The following AUTS2 variants were observed in gnomAD, a reference collection of about 807,000 sequenced individuals.
AUTS2 encodes autism susceptibility gene 2 protein.
Under a neutral mutation model 112.4 loss-of-function variants are expected in AUTS2, and 17 were observed. That is an observed-to-expected ratio of 0.15 (90% CI 0.10 to 0.23). AUTS2 has a LOEUF of 0.23. AUTS2 is among the 10% of genes least tolerant of loss of function. The pLI, the probability that AUTS2 is intolerant of heterozygous loss-of-function variation, is 1.00. For missense variants in AUTS2, 1,510 were observed against 1,701.6 expected, an observed-to-expected ratio of 0.89 and a Z score of 1.98; for synonymous variants, 751 against 702.7, an observed-to-expected ratio of 1.07 and a Z score of -1.09.
chr7:70,590,862 T>C (rs1057208596), intron 5 of AUTS2, among the ~76,000 whole-genome samples: 1 of 152,214 alleles, frequency 6.6e-6, no homozygotes, highest in East Asian at 1.9e-4. Flanking sequence ...TCATTTACCA[T>C]AGCTGTCCTT....
intron 1 of AUTS2, among the ~76,000 whole-genome samples, chr7:69,603,649 G>A (rs1458012438): frequency 2.0e-5 from 3 of 152,196 alleles, no homozygotes; most frequent in Non-Finnish European, 2.9e-5. Context: ...GAGGGTAGGC[G>A]AGGAGGCTAA....
At chr7:70,523,356 A>G (rs1282102576) in intron 5 of AUTS2, among the ~76,000 whole-genome samples, 1 of 152,214 alleles carries the variant, frequency 6.6e-6, no homozygotes, top group African/African-American at 2.4e-5. Context: ...GCCTTTTGAT[A>G]GGAGTTGAAT....
chr7:70,417,789 C>G (rs1445263085), intron 4 of AUTS2, among the ~76,000 whole-genome samples: 2 of 152,140 alleles, frequency 1.3e-5, no homozygotes, highest in African/African-American at 4.8e-5. Context: ...GGCCTCTCAT[C>G]ATGACCATCT....
chr7:69,672,955 A>T (rs1247347228), intron 1 of AUTS2, among the ~76,000 whole-genome samples: 1 of 152,200 alleles, frequency 6.6e-6, no homozygotes, highest in East Asian at 1.9e-4. Flanking sequence ...CTCATTTTGT[A>T]CTAGCTTTTG....
intron 6 of AUTS2, among the ~76,000 whole-genome samples, chr7:70,750,471 T>A (rs1788744238): frequency 1.2e-5 from 1 of 80,296 alleles, no homozygotes; most frequent in Non-Finnish European, 2.1e-5. Flanking sequence ...CAGGTGTTCC[T>A]CCCACCTCAC....
intron 5 of AUTS2, among the ~76,000 whole-genome samples, chr7:70,448,188 T>C (rs6460546): frequency 0.077 from 11,701 of 152,182 alleles, 577 homozygotes; most frequent in East Asian, 0.14. Context: ...TTTTTACCTC[T>C]CTAGCCGCCT....
At chr7:70,406,000 G>A (rs1794518248) in intron 4 of AUTS2, among the ~76,000 whole-genome samples, 1 of 152,134 alleles carries the variant, frequency 6.6e-6, no homozygotes, top group African/African-American at 2.4e-5. Context: ...GGCAATTCAT[G>A]GTGGTGGTGG....
intron 4 of AUTS2, among the ~76,000 whole-genome samples, chr7:70,189,755 TGAAA>T (rs1476663519): frequency 3.3e-5 from 5 of 152,234 alleles, no homozygotes; most frequent in Non-Finnish European, 7.3e-5. Flanking sequence ...TCTTTGATGC[TGAAA>T]GAAAGAGAAT....
chr7:69,918,902 C>A (rs769569730), intron 2 of AUTS2, among the ~76,000 whole-genome samples: 2 of 151,968 alleles, frequency 1.3e-5, no homozygotes, highest in Non-Finnish European at 2.9e-5. Flanking sequence ...AGGGCACAGG[C>A]GAACTATTTT....
chr7:70,025,005 G>A lies in AUTS2; in HGVS notation c.523-93127G>A, dbSNP rs377587922. On this transcript the variant is annotated intron_variant, in intron 2 of 18. Transcript: ENST00000342771. ...GATGCATAAAATTAATCATAACATT[G>A]TCTCATTCCTTTTTCCCTCACTGTG... Among the ~76,000 whole-genome samples the A allele has an allele frequency of 8.5e-5, 13 of 152,256 alleles. No individual in the cohort carries two copies. In the East Asian group the frequency reaches 2.1e-3, roughly 25 times the overall value.
intron 1 of AUTS2, among the ~76,000 whole-genome samples, chr7:69,762,243 A>G (rs1292521369): frequency 7.0e-6 from 1 of 143,520 alleles, no homozygotes; most frequent in African/African-American, 2.6e-5. Flanking sequence ...GGTTCTTTCC[A>G]GTTCTTTCAC....
intron 1 of AUTS2, among the ~76,000 whole-genome samples, chr7:69,600,233 CAGAA>C (rs1792309347): frequency 6.6e-6 from 1 of 152,108 alleles, no homozygotes; most frequent in African/African-American, 2.4e-5. Context: ...AGCAGATGGG[CAGAA>C]AGAAAGGGGT....
intron 5 of AUTS2, among the ~76,000 whole-genome samples, chr7:70,677,110 C>A (rs1364165398): frequency 6.6e-6 from 1 of 152,192 alleles, no homozygotes; most frequent in Non-Finnish European, 1.5e-5. Context: ...GCACCTCTAA[C>A]ACATCTGCCA....
At chr7:70,162,829 A>G (rs1437203031) in intron 4 of AUTS2, among the ~76,000 whole-genome samples, 3 of 152,204 alleles carry the variant, frequency 2.0e-5, no homozygotes, top group Non-Finnish European at 2.9e-5. Context: ...ACATTTGGTA[A>G]ACCTCTTTGA....
intron 2 of AUTS2, among the ~76,000 whole-genome samples, chr7:69,920,570 G>A (rs1795769870): frequency 6.6e-6 from 1 of 152,198 alleles, no homozygotes; most frequent in African/African-American, 2.4e-5. Flanking sequence ...ACAGGTGTAA[G>A]CCACTGTACC....
chr7:70,150,763 T>C (rs1331193380), intron 4 of AUTS2, among the ~76,000 whole-genome samples: 1 of 152,188 alleles, frequency 6.6e-6, no homozygotes, highest in Admixed American at 6.5e-5. Flanking sequence ...TTCATGACAC[T>C]CATAGTTAAT....
intron 2 of AUTS2, 51 bp downstream of exon 2, chr7:69,899,549 A>T: frequency 1.3e-6 from 2 of 1,562,784 alleles, no homozygotes; most frequent in Non-Finnish European, 1.8e-6. Flanking sequence ...TCCCTTCCTT[A>T]GGTGCTTCCT....
At chr7:69,731,266 T>C (rs1437734096) in intron 1 of AUTS2, among the ~76,000 whole-genome samples, 1 of 152,128 alleles carries the variant, frequency 6.6e-6, no homozygotes, top group East Asian at 1.9e-4. Flanking sequence ...CACTCTAGCC[T>C]GGAAGACATA....
chr7:69,945,073 G>A (rs775835046), intron 2 of AUTS2, among the ~76,000 whole-genome samples: 4 of 151,626 alleles, frequency 2.6e-5, no homozygotes, highest in Non-Finnish European at 5.9e-5. Flanking sequence ...TAAAGGTAAT[G>A]ATACCTGTTT....
Sources: allele counts gnomAD v4.1 joint callset (sites outside exome capture counted in the v4.1 genomes callset), GRCh38; gene constraint gnomAD v4.1.1; transcripts MANE v1.5; gene names NCBI Gene and HGNC (gene_info 2026-07-23, HGNC 2026-07-21).